Variants in MAP4K4 observed in about 807,000 individuals in gnomAD.
The protein encoded by MAP4K4 is mitogen-activated protein kinase kinase kinase kinase 4.
Under a neutral mutation model 189.6 loss-of-function variants are expected in MAP4K4, and 38 were observed. That is an observed-to-expected ratio of 0.20 (90% CI 0.15 to 0.26). The LOEUF (loss-of-function observed/expected upper bound fraction) is 0.26. Among genes scored for constraint, MAP4K4 ranks in the 10% least tolerant of loss-of-function variants. The probability of loss-of-function intolerance (pLI) is 1.00; values close to 1 mark genes in which losing one functional copy is unlikely to be tolerated. For missense variants in MAP4K4, 1,054 were observed against 1,726.9 expected (o/e 0.61, Z 6.91); for synonymous variants, 610 against 624.3 (o/e 0.98, Z 0.34).
At chr2:101,828,184 C>T (rs2096446865) in intron 5 of MAP4K4, among the ~76,000 whole-genome samples, 2 of 152,278 alleles carry the variant, frequency 1.3e-5, no homozygotes, top group Non-Finnish European at 1.5e-5. Context: ...GCATGCAAGC[C>T]ACATTTGTTG....
chr2:101,859,086 A>C lies in MAP4K4; in HGVS notation c.1482+4A>C, dbSNP rs1396489177. ...CCAGGAGCAGGCCATGTTACTGGTA[A>C]AGCCCCGCCTCTGTTTCATTCTGTA... On this transcript the variant is annotated splice_donor_region_variant and intron_variant, in intron 14 of 32. Coordinates refer to ENST00000324219, the Ensembl canonical transcript of MAP4K4. 6.2e-7 allele frequency: 1 copy of C among 1,608,788 alleles called. No homozygotes were observed.
intron 3 of MAP4K4, among the ~76,000 whole-genome samples, chr2:101,819,256 A>G (rs2095896615): frequency 7.3e-6 from 1 of 137,474 alleles, no homozygotes; most frequent in East Asian, 2.6e-4. Context: ...GCTGGGATGC[A>G]ACCACCAAAC....
intron 2 of MAP4K4, among the ~76,000 whole-genome samples, chr2:101,751,849 G>C (rs1254306629): frequency 6.6e-6 from 1 of 152,164 alleles, no homozygotes; most frequent in African/African-American, 2.4e-5. Context: ...TCCCATTTAC[G>C]TATACACTGG....
Position 101,721,688 on chromosome 2 carries a change from G to A in MAP4K4, c.123+23150G>A, listed in dbSNP as rs193151156. Among the ~76,000 whole-genome samples, 63 of 152,206 alleles carry A rather than the reference G, an allele frequency of 4.1e-4. 1 individual carries two copies. Among genetic ancestry groups the A allele is most frequent in the Middle Eastern group, 6.8e-3 (2 of 294 alleles). On this transcript the variant is annotated intron_variant, in intron 2 of 32. Coordinates refer to ENST00000324219, the Ensembl canonical transcript of MAP4K4. Reference sequence around the variant, plus strand: ...CTGACCTCGTGATCCGCCCACCTCGGCCACCCAAAGTGCTGGGATTACAGG... The same window carrying A: ...CTGACCTCGTGATCCGCCCACCTCGACCACCCAAAGTGCTGGGATTACAGG...
chr2:101,721,332 G>A (rs758772148), intron 2 of MAP4K4, among the ~76,000 whole-genome samples: 1 of 151,766 alleles, frequency 6.6e-6, no homozygotes, highest in African/African-American at 2.4e-5. Flanking sequence ...CCAAAGAGGA[G>A]ATTGCCCGTT....
intron 3 of MAP4K4, among the ~76,000 whole-genome samples, chr2:101,792,924 G>A (rs936566762): frequency 3.9e-5 from 6 of 152,096 alleles, no homozygotes; most frequent in African/African-American, 7.2e-5. Flanking sequence ...GTGAGCCACC[G>A]CGTCTGGCCC....
intron 2 of MAP4K4, among the ~76,000 whole-genome samples, chr2:101,711,203 G>A (rs1338276500): frequency 6.6e-6 from 1 of 152,224 alleles, no homozygotes; most frequent in Non-Finnish European, 1.5e-5. Context: ...AGGGACCTCT[G>A]TAAAATGGGA....
At chr2:101,828,471 T>A (rs780368760) in intron 5 of MAP4K4, among the ~76,000 whole-genome samples, 1 of 152,210 alleles carries the variant, frequency 6.6e-6, no homozygotes, top group Non-Finnish European at 1.5e-5. Flanking sequence ...CATCCTGTGT[T>A]GTGAAAAATA....
intron 2 of MAP4K4, among the ~76,000 whole-genome samples, chr2:101,710,475 T>C (rs1420101405): frequency 6.6e-6 from 1 of 152,212 alleles, no homozygotes; most frequent in East Asian, 1.9e-4. Flanking sequence ...AGATTTCCTT[T>C]ATTTATTTAT....
At chr2:101,815,433 G>A (rs2095657239) in intron 3 of MAP4K4, among the ~76,000 whole-genome samples, 2 of 152,158 alleles carry the variant, frequency 1.3e-5, no homozygotes, top group Non-Finnish European at 2.9e-5. Context: ...ACCAATAGAG[G>A]TGTAGGTTGT....
chr2:101,751,883 T>C (rs1032344238), intron 2 of MAP4K4, among the ~76,000 whole-genome samples: 1 of 152,234 alleles, frequency 6.6e-6, no homozygotes, highest in Admixed American at 6.5e-5. Context: ...TATACTGTTT[T>C]GTTTCAGTTT....
At chr2:101,825,369 C>G in exon 5 of MAP4K4, 1 of 1,613,508 alleles carries the variant, frequency 6.2e-7, no homozygotes, top group Non-Finnish European at 8.5e-7. Flanking sequence ...TTGTGAAGAA[C>G]ACCAAAGGGA....
Position 101,711,973 on chromosome 2 carries a change from C to CT in MAP4K4, c.123+13452dup, listed in dbSNP as rs57205012. ...GATCTCATTGGTAGTCTGTCTTGCC[C>CT]TTTTTTTTTTTTTTTTTGCTTTTTA... On this transcript the variant is annotated intron_variant, in intron 2 of 32. Transcript: ENST00000324219. 5.1e-3 allele frequency among the ~76,000 whole-genome samples: 621 copies of CT among 122,298 alleles called. 2 individuals carry two copies. The highest frequency in any genetic ancestry group is 8.0e-3 in the African/African-American group (264 of 32,946). 80.2% of individuals were successfully genotyped at this position (122,298 alleles called of 152,430 possible). A position where few individuals can be genotyped will look rare whatever the true frequency, so the allele number is the denominator to read the frequency against.
intron 6 of MAP4K4, among the ~76,000 whole-genome samples, chr2:101,830,656 G>C (rs1559109013): frequency 6.6e-6 from 1 of 152,278 alleles, no homozygotes; most frequent in Non-Finnish European, 1.5e-5. Flanking sequence ...TCCCCTCAGA[G>C]CTAACATAGG....
intron 2 of MAP4K4, among the ~76,000 whole-genome samples, chr2:101,759,174 T>C (rs1277739326): frequency 6.6e-6 from 1 of 151,914 alleles, no homozygotes; most frequent in East Asian, 1.9e-4. Flanking sequence ...CCATTTCGTT[T>C]TGGGGTTCTT....
intron 2 of MAP4K4, among the ~76,000 whole-genome samples, chr2:101,712,036 C>T (rs2045891945): frequency 7.1e-6 from 1 of 140,616 alleles, no homozygotes; most frequent in South Asian, 2.3e-4. Flanking sequence ...ATAACTTCTA[C>T]TTAGGTTGTT....
intron 6 of MAP4K4, chr2:101,829,798 T>G (rs2096536578): frequency 2.0e-6 from 1 of 505,262 alleles, no homozygotes; most frequent in Non-Finnish European, 3.6e-6. Flanking sequence ...TGCCCCCTGG[T>G]TCTCTATACA....
intron 12 of MAP4K4, 28 bp from the exon 13 acceptor site, chr2:101,855,949 T>G: frequency 6.5e-7 from 1 of 1,540,048 alleles, no homozygotes; most frequent in South Asian, 1.2e-5. Flanking sequence ...GGAAGATCCC[T>G]GGTAATTATA....
chr2:101,762,654 A>G (rs1575114799), intron 2 of MAP4K4, among the ~76,000 whole-genome samples: 1 of 152,298 alleles, frequency 6.6e-6, no homozygotes, highest in Non-Finnish European at 1.5e-5. Context: ...GTCTGGCAGT[A>G]AATGGAATTT....
Sources: gnomAD v4.1 joint callset for allele counts (sites outside exome capture counted in the v4.1 genomes callset) on GRCh38, gnomAD v4.1.1 for gene constraint, MANE v1.5 for transcripts, NCBI Gene and HGNC (gene_info 2026-07-23, HGNC 2026-07-21) for gene names.